DLG1: variants seen among roughly 807,000 people sequenced by gnomAD.
DLG1 encodes the protein disks large homolog 1.
In DLG1, 42 loss-of-function variants were observed where a neutral mutation model predicts 123.4. The observed-to-expected ratio is 0.34, with a 90% CI of 0.27 to 0.44. The LOEUF is 0.44. Ranked by LOEUF, DLG1 falls within the 20% of genes least tolerant of loss-of-function variation. The pLI, the probability that DLG1 is intolerant of heterozygous loss-of-function variation, is 1.00. For missense variants in DLG1, 942 were observed against 1,082.6 expected, an observed-to-expected ratio of 0.87 and a Z score of 1.82; for synonymous variants, 317 against 356.2, an observed-to-expected ratio of 0.89 and a Z score of 1.24.
Position 197,136,526 on chromosome 3 carries a change from G to C in DLG1, c.1020+16C>G. On this transcript the variant is annotated intron_variant, in intron 10 of 24. Coordinates refer to ENST00000667157, the MANE Select transcript of DLG1 (RefSeq NM_001366207.1). ...CTACAAAATGATTTAAAAGACAATAGATTTCTTATACTTACTGCTAAAAGT... is the reference window on the plus strand; with the variant it reads ...CTACAAAATGATTTAAAAGACAATACATTTCTTATACTTACTGCTAAAAGT... The C allele has an allele frequency of 1.3e-6, 2 of 1,593,160 alleles. No individual in the cohort carries two copies. Among genetic ancestry groups the C allele is most frequent in the South Asian group, 2.3e-5 (2 of 87,746 alleles).
At chr3:197,056,607 A>G (rs564848159) in intron 23 of DLG1, among the ~76,000 whole-genome samples, 29 of 152,352 alleles carry the variant, frequency 1.9e-4, no homozygotes, top group African/African-American at 6.7e-4. Context: ...TTTAATAAGT[A>G]CTAGATTATT....
intron 3 of DLG1, among the ~76,000 whole-genome samples, chr3:197,292,004 T>A (rs968875192): frequency 6.6e-6 from 1 of 152,220 alleles, no homozygotes; most frequent in Non-Finnish European, 1.5e-5. Context: ...CTGGAAATCC[T>A]GTGTGCTGCT....
intron 4 of DLG1, among the ~76,000 whole-genome samples, chr3:197,242,805 T>C (rs1385863785): frequency 6.6e-6 from 1 of 152,020 alleles, no homozygotes; most frequent in Non-Finnish European, 1.5e-5. Context: ...AACACCTGCA[T>C]CAAAAAAGTA....
chr3:197,291,499 G>A (rs1254027967), intron 3 of DLG1, among the ~76,000 whole-genome samples: 4 of 152,116 alleles, frequency 2.6e-5, no homozygotes, highest in Admixed American at 6.5e-5. Flanking sequence ...TAAACATAAT[G>A]CACCATTATA....
intron 3 of DLG1, among the ~76,000 whole-genome samples, chr3:197,286,729 A>T (rs1391784411): frequency 6.6e-6 from 1 of 152,200 alleles, no homozygotes; most frequent in Non-Finnish European, 1.5e-5. Flanking sequence ...TTTAACAAAT[A>T]TACCACACTA....
chr3:197,159,131 AG>A (rs1415867964), intron 5 of DLG1, among the ~76,000 whole-genome samples: 1 of 152,200 alleles, frequency 6.6e-6, no homozygotes, highest in Non-Finnish European at 1.5e-5. Flanking sequence ...AGGTGAAGCT[AG>A]GAAGTGGTGG....
chr3:197,238,752 C>A (rs1747335436), intron 4 of DLG1, among the ~76,000 whole-genome samples: 2 of 151,884 alleles, frequency 1.3e-5, no homozygotes, highest in African/African-American at 2.4e-5. Context: ...AAGAAGAAAT[C>A]AAAAAGGAAA....
intron 4 of DLG1, among the ~76,000 whole-genome samples, chr3:197,258,446 C>G (rs1479394024): frequency 6.6e-6 from 1 of 151,752 alleles, no homozygotes; most frequent in African/African-American, 2.4e-5. Context: ...GGGGGAACAA[C>G]CAAAAAACTA....
At chr3:197,288,394 G>GA (rs1025294148) in intron 3 of DLG1, among the ~76,000 whole-genome samples, 12 of 143,336 alleles carry the variant, frequency 8.4e-5, no homozygotes, top group South Asian at 2.2e-4. Context: ...AAAAGAAAAG[G>GA]AAAAAAAAAA....
chr3:197,069,138 C>T (rs546891099), intron 19 of DLG1, 81 bp downstream of exon 19: 1 of 890,060 alleles, frequency 1.1e-6, no homozygotes, highest in East Asian at 2.9e-5. Flanking sequence ...GTTTTTATAA[C>T]ATATCACTCA....
At chr3:197,191,419 T>C (rs183736110) in intron 5 of DLG1, among the ~76,000 whole-genome samples, 4 of 152,230 alleles carry the variant, frequency 2.6e-5, no homozygotes, top group Admixed American at 1.3e-4. Flanking sequence ...CTACATAAAA[T>C]ATGCATGCTG....
intron 5 of DLG1, chr3:197,183,595 C>T (rs1713890634): frequency 1.3e-6 from 2 of 1,550,330 alleles, no homozygotes; most frequent in Non-Finnish European, 1.7e-6. Flanking sequence ...CTGGTGGCTA[C>T]CGAGATGCAG....
chr3:197,136,163 T>A (rs1054441271), intron 10 of DLG1, among the ~76,000 whole-genome samples: 1 of 152,104 alleles, frequency 6.6e-6, no homozygotes, highest in Non-Finnish European at 1.5e-5. Context: ...CACAAAATGG[T>A]TGATGTTCTA....
In DLG1 at chr3:197,065,316, T is replaced by C; in HGVS notation, c.2333A>G (p.Tyr778Cys). ...TCGTACAGACTGAACACTTGTTCCATATAGATGATTGTTATACTGGCCAGC... is the reference window on the plus strand; with the variant it reads ...TCGTACAGACTGAACACTTGTTCCACATAGATGATTGTTATACTGGCCAGC... ...IEAGQYNNHL[Y>C]GTSVQSVREV... The change falls in exon 22 of 25, where the codon TAT (tyrosine) becomes TGT (cysteine). Residue 778 changes from tyrosine to cysteine, a missense_variant. Coordinates refer to ENST00000667157, the MANE Select transcript of DLG1 (RefSeq NM_001366207.1). The C allele has an allele frequency of 6.2e-7, 1 of 1,612,394 alleles. No individual in the cohort carries two copies. The highest frequency in any genetic ancestry group is 8.5e-7 in the Non-Finnish European group (1 of 1,179,554).
At position 197,208,705 on chromosome 3, in the gene DLG1, G is replaced by C. The variant is rs544624664; in HGVS notation, c.319-14116C>G. Among the ~76,000 whole-genome samples, 28 of 144,370 alleles carry C rather than the reference G, an allele frequency of 1.9e-4. 8 individuals carry two copies. The South Asian group carries it at 7.6e-3, about 39-fold the overall frequency. The allele number at this position is 144,370 out of a possible 152,430, so 94.7% of individuals were successfully genotyped here. On this transcript the variant is annotated intron_variant, in intron 4 of 24. Coordinates refer to ENST00000667157, the MANE Select transcript of DLG1 (RefSeq NM_001366207.1). ...GTGTGGCGGGGTGGGGGTAGTTGGG[G>C]GGATAGTAAGAGGAAGAGAAAATAC...
intron 13 of DLG1, among the ~76,000 whole-genome samples, chr3:197,114,194 T>C (rs1002269214): frequency 2.6e-5 from 4 of 152,120 alleles, no homozygotes; most frequent in Non-Finnish European, 5.9e-5. Context: ...TCAGAATTGA[T>C]GAGAGAAGTT....
Position 197,209,168 on chromosome 3 carries a change from T to TA in DLG1, c.319-14580dup, listed in dbSNP as rs1372817480. On this transcript the variant is annotated intron_variant, in intron 4 of 24. Transcript: ENST00000667157. ...CATGCAAAGCGAGAGATATACTTCG[T>TA]AAAAAAAGGCAGAGTGAAAGCATAT... 5.5e-5 allele frequency among the ~76,000 whole-genome samples: 8 copies of TA among 145,780 alleles called. 1 individual carries two copies. The highest frequency in any genetic ancestry group is 1.2e-4 in the African/African-American group (5 of 41,144).
At chr3:197,085,502 G>T in intron 16 of DLG1, 78 bp downstream of exon 16, 1 of 1,464,602 alleles carries the variant, frequency 6.8e-7, no homozygotes, top group Non-Finnish European at 9.5e-7. Context: ...CATCCATGTT[G>T]TCACAAATTA....
chr3:197,149,678 T>C (rs1296194586), intron 6 of DLG1, 65 bp downstream of exon 6: 30 of 1,004,508 alleles, frequency 3.0e-5, no homozygotes, highest in Non-Finnish European at 4.5e-5. Context: ...GGTCTTCGCA[T>C]TTGTATCAAA....
Sources: allele counts gnomAD v4.1 joint callset (sites outside exome capture counted in the v4.1 genomes callset), GRCh38; gene constraint gnomAD v4.1.1; transcripts MANE v1.5; gene names NCBI Gene and HGNC (gene_info 2026-07-23, HGNC 2026-07-21).